TRIML1: variants seen among roughly 807,000 people sequenced by gnomAD.
TRIML1 encodes the protein tripartite motif family like 1.
In TRIML1, 34 loss-of-function variants were observed where a neutral mutation model predicts 32.3. The ratio of observed to expected loss-of-function variants is 1.05; its 90% CI spans 0.80 to 1.40. TRIML1 has a LOEUF of 1.40. Ranked by LOEUF, TRIML1 falls within the 40% of genes most tolerant of loss-of-function variation. TRIML1 has a pLI of 0.00. For synonymous variants in TRIML1, 244 were observed against 226.6 expected, an observed-to-expected ratio of 1.08 and a Z score of -0.69; for missense variants, 595 against 574.9, an observed-to-expected ratio of 1.03 and a Z score of -0.36.
At chr4:188,149,392 A>G (rs1951490477), downstream of TRIML1, among the ~76,000 whole-genome samples, 1 of 152,186 alleles carries the variant, frequency 6.6e-6, no homozygotes, top group Non-Finnish European at 1.5e-5. Flanking sequence ...TAAGATGTTT[A>G]GGAAAAATGT....
rs61461219 is a variant in TRIML1 at position 188,142,207 on chromosome 4, C to CGTGTGTGTGTGTGTGTGT, written c.505-26_505-9dup. 1.9e-5 allele frequency: 19 copies of CGTGTGTGTGTGTGTGTGT among 1,014,824 alleles called. No homozygotes were observed. The African/African-American group carries it at 3.1e-4, about 17-fold the overall frequency. The allele number at this position is 1,014,824 out of a possible 1,614,324, so 62.9% of individuals were successfully genotyped here. On this transcript the variant is annotated intron_variant, in intron 2 of 5. Coordinates refer to ENST00000332517, the MANE Select transcript of TRIML1 (RefSeq NM_178556.5). Reference sequence around the variant, plus strand: ...GGCATTTCTCTTACTAACTTTATCTCGTGTGTGTGTGTGTGTGTGTGTGTG... The same window carrying CGTGTGTGTGTGTGTGTGT: ...GGCATTTCTCTTACTAACTTTATCTCGTGTGTGTGTGTGTGTGTGTGTGTGTGTGTGTGTGTGTGTGTG...
chr4:188,150,084 G>C (rs148867007), downstream of TRIML1, among the ~76,000 whole-genome samples: 5 of 152,054 alleles, frequency 3.3e-5, no homozygotes, highest in African/African-American at 1.2e-4. Flanking sequence ...GATTAGAGAC[G>C]TGAGCCACCG....
At chr4:188,144,425 C>G (rs1398271110) in intron 5 of TRIML1, among the ~76,000 whole-genome samples, 7 of 149,742 alleles carry the variant, frequency 4.7e-5, no homozygotes, top group Non-Finnish European at 8.9e-5. Flanking sequence ...CGCAGGGGCG[C>G]GATCTCGGCT....
chr4:188,139,969 A>G lies in TRIML1; in HGVS notation c.408+3A>G. Reference sequence around the variant, plus strand: ...GCGAGGCTGAGGAGCATCACAGAGTAAGACAGCTGCTCAGCATGAACCCCA... The same window carrying G: ...GCGAGGCTGAGGAGCATCACAGAGTGAGACAGCTGCTCAGCATGAACCCCA... On this transcript the variant is annotated splice_donor_region_variant and intron_variant, in intron 1 of 5. Transcript: ENST00000332517. 1.3e-6 allele frequency: 2 copies of G among 1,596,646 alleles called. No homozygotes were observed. Among genetic ancestry groups the G allele is most frequent in the Non-Finnish European group, 1.7e-6 (2 of 1,169,280 alleles).
chr4:188,147,492 C>A lies in TRIML1; in HGVS notation c.*120C>A. 1 of 804,624 alleles carries A rather than the reference C, an allele frequency of 1.2e-6. No individual in the cohort carries two copies. The highest frequency in any genetic ancestry group is 1.7e-6 in the Non-Finnish European group (1 of 581,448). The allele number at this position is 804,624 out of a possible 1,614,324, so 49.8% of individuals were successfully genotyped here. On this transcript the variant is annotated 3_prime_UTR_variant, in exon 6 of 6. Transcript: ENST00000332517. ...TCTGAAATAAACTCCCGTAACCCCA[C>A]CCCACCCCCAAGAGTTTCCATTAAC...
In TRIML1 at chr4:188,146,824, G is replaced by C. The variant is rs768639222; in HGVS notation, c.859G>C (p.Glu287Gln). The C allele has an allele frequency of 6.6e-6, 9 of 1,360,740 alleles. No individual in the cohort carries two copies. Among genetic ancestry groups the C allele is most frequent in the Non-Finnish European group, 8.6e-6 (9 of 1,050,762 alleles). The allele number at this position is 1,360,740 out of a possible 1,614,324, so 84.3% of individuals were successfully genotyped here. The part of the protein sequence containing the change: ...MKEMLRKFST[E>Q]ITLDPATANA... ...TCTCTTCTTTCCTCCTCTTGCAGCG[G>C]AGATAACGCTGGACCCAGCCACAGC... Residue 287 changes from glutamate (E) to glutamine (Q), a missense_variant and splice_region_variant, in exon 6 of 6, where the codon GAG becomes CAG. By Grantham distance (29) the Glu-to-Gln change is conservative (BLOSUM62 2). Transcript: ENST00000332517.
chr4:188,144,784 G>A (rs1282292290), intron 5 of TRIML1, among the ~76,000 whole-genome samples: 1 of 152,114 alleles, frequency 6.6e-6, no homozygotes, highest in Non-Finnish European at 1.5e-5. Flanking sequence ...TAGGATGAAA[G>A]CTGACTTAAA....
chr4:188,142,054 T>C (rs888028861), intron 2 of TRIML1, among the ~76,000 whole-genome samples, 198 bp from the exon 3 acceptor site: 3 of 149,682 alleles, frequency 2.0e-5, no homozygotes, highest in Non-Finnish European at 4.4e-5. Flanking sequence ...GAGGCAGAGG[T>C]TGCAGTGAGC....
downstream of TRIML1, among the ~76,000 whole-genome samples, chr4:188,149,575 C>T (rs1400699390): frequency 3.3e-5 from 5 of 152,268 alleles, no homozygotes; most frequent in East Asian, 1.9e-4. Flanking sequence ...CCACTCTATA[C>T]GTTTCAATCT....
At chr4:188,149,689 A>G (rs548798153), downstream of TRIML1, among the ~76,000 whole-genome samples, 1 of 152,330 alleles carries the variant, frequency 6.6e-6, no homozygotes, top group South Asian at 2.1e-4. Context: ...CCCTGAATTC[A>G]GCATTTAATT....
rs767418134 is a variant in TRIML1, at chr4:188,139,732, G to A, written c.174G>A (p.Arg58=). 3 of 1,614,016 alleles carry A rather than the reference G, an allele frequency of 1.9e-6. No homozygotes were observed. The Admixed American group carries it at 5.0e-5, about 27-fold the overall frequency. ...NTPLSCPECW[R]TLEGPHFQSN... is the part of the protein sequence containing the mutation. ...CTTTATCTTGTCCTGAGTGCTGGAGGACCTTGGAGGGCCCGCATTTCCAGT... is the reference window on the plus strand; with the variant it reads ...CTTTATCTTGTCCTGAGTGCTGGAGAACCTTGGAGGGCCCGCATTTCCAGT... Residue 58 remains arginine (R), a synonymous_variant, in exon 1 of 6, where the codon AGG becomes AGA. Coordinates refer to ENST00000332517, the MANE Select transcript of TRIML1 (RefSeq NM_178556.5).
At chr4:188,143,886 A>T (rs891240711) in intron 4 of TRIML1, 26 bp downstream of exon 4, 3 of 1,614,028 alleles carry the variant, frequency 1.9e-6, no homozygotes, top group Admixed American at 3.3e-5. Context: ...GTGTTCAGTT[A>T]TGCAAGCTGC....
chr4:188,143,603 G>A lies in TRIML1; in HGVS notation c.736-235G>A, dbSNP rs1219537723. The A allele has an allele frequency of 1.4e-5, 8 of 566,160 alleles. No individual in the cohort carries two copies. In the East Asian group the frequency reaches 2.4e-4, roughly 17 times the overall value. 35.1% of individuals were successfully genotyped at this position (566,160 alleles called of 1,614,324 possible). A position where few individuals can be genotyped will look rare whatever the true frequency, so the allele number is the denominator to read the frequency against. On this transcript the variant is annotated intron_variant, in intron 3 of 5. Transcript: ENST00000332517. ...GGTTCCCTGGACAAGGTGATGATAC[G>A]AGAAAAAGAAAAGGACAAAGTATTC...
At chr4:188,144,297 G>A (rs1325636023) in intron 5 of TRIML1, among the ~76,000 whole-genome samples, 164 bp downstream of exon 5, 2 of 152,010 alleles carry the variant, frequency 1.3e-5, no homozygotes, top group Admixed American at 1.3e-4. Flanking sequence ...GTCTCTGAGC[G>A]TGAGCAGAGA....
chr4:188,141,473 T>C (rs540019600), intron 2 of TRIML1, among the ~76,000 whole-genome samples: 1 of 152,194 alleles, frequency 6.6e-6, no homozygotes, highest in South Asian at 2.1e-4. Flanking sequence ...GCCGTAGACT[T>C]TGAATTCTTA....
chr4:188,143,784 G>A (rs1734951407), intron 3 of TRIML1, 54 bp from the exon 4 acceptor site: 5 of 1,608,326 alleles, frequency 3.1e-6, no homozygotes, highest in Non-Finnish European at 4.3e-6. Flanking sequence ...AATGAATTTC[G>A]TCTGTGTTAT....
intron 5 of TRIML1, among the ~76,000 whole-genome samples, chr4:188,146,311 G>C (rs762893683): frequency 6.6e-6 from 1 of 152,166 alleles, no homozygotes; most frequent in Admixed American, 6.5e-5. Context: ...GCAGGCTAAA[G>C]CTCCTTCTCC....
chr4:188,143,891 A>G, intron 4 of TRIML1, 31 bp downstream of exon 4: 2 of 1,614,112 alleles, frequency 1.2e-6, no homozygotes, highest in South Asian at 1.1e-5. Flanking sequence ...CAGTTATGCA[A>G]GCTGCGGGGC....
At chr4:188,150,746 C>G (rs1735232535), downstream of TRIML1, among the ~76,000 whole-genome samples, 1 of 151,314 alleles carries the variant, frequency 6.6e-6, no homozygotes, top group Non-Finnish European at 1.5e-5. Flanking sequence ...CCATTGTGTA[C>G]ACAGGGCCTG....
Sources: gnomAD v4.1 joint callset for allele counts (sites outside exome capture counted in the v4.1 genomes callset) on GRCh38, gnomAD v4.1.1 for gene constraint, MANE v1.5 for transcripts, NCBI Gene and HGNC (gene_info 2026-07-23, HGNC 2026-07-21) for gene names.